ILRUN: variants seen among roughly 807,000 people sequenced by gnomAD.
ILRUN encodes protein ILRUN.
A neutral mutation model predicts 33.8 loss-of-function variants in ILRUN; 3 were observed. The ratio of observed to expected loss-of-function variants is 0.09; its 90% confidence interval spans 0.04 to 0.23. The LOEUF (loss-of-function observed/expected upper bound fraction) is 0.23. ILRUN is among the 10% of genes least tolerant of loss of function. The pLI is 1.00. For missense variants in ILRUN, 210 were observed against 375.1 expected, an observed-to-expected ratio of 0.56 and a Z score of 3.64; for synonymous variants, 124 against 138.9, an observed-to-expected ratio of 0.89 and a Z score of 0.75.
intron 3 of ILRUN, among the ~76,000 whole-genome samples, chr6:34,630,951 A>C (rs1006823541): frequency 1.3e-5 from 2 of 152,096 alleles, no homozygotes; most frequent in East Asian, 3.9e-4. Flanking sequence ...CATTTCTGTT[A>C]ATGTTTATCT....
chr6:34,646,883 T>A lies in ILRUN; in HGVS notation c.314-85A>T, dbSNP rs1947267729. ...TTATTATGAAACTGTAGAAGAGGCC[T>A]CTTTCTTTTTCTCACATACATACAT... On this transcript the variant is annotated intron_variant, in intron 2 of 4. Coordinates refer to ENST00000374023, the MANE Select transcript of ILRUN (RefSeq NM_024294.4). This position sits in a 1 kb window ranked among gnomAD's most constrained non-coding sequence, Gnocchi z 4.9. 1 of 1,217,464 alleles carries A rather than the reference T, an allele frequency of 8.2e-7. No individual in the cohort carries two copies. The highest frequency in any genetic ancestry group is 1.3e-5 in the South Asian group (1 of 79,610). The allele number at this position is 1,217,464 out of a possible 1,614,324, so 75.4% of individuals were successfully genotyped here. A position where few individuals can be genotyped will look rare whatever the true frequency, so the allele number is the denominator to read the frequency against.
chr6:34,660,882 C>T (rs533961888), intron 1 of ILRUN, among the ~76,000 whole-genome samples: 1 of 152,238 alleles, frequency 6.6e-6, no homozygotes, highest in South Asian at 2.1e-4. Flanking sequence ...CTAAAGGCAA[C>T]GGTCAATACT....
intron 2 of ILRUN, among the ~76,000 whole-genome samples, chr6:34,651,686 A>C (rs1453931134): frequency 6.6e-6 from 1 of 151,494 alleles, no homozygotes; most frequent in Non-Finnish European, 1.5e-5. Context: ...TAAAATAAAC[A>C]AATAAAACTT....
At chr6:34,674,016 G>C (rs1582099201) in intron 1 of ILRUN, among the ~76,000 whole-genome samples, 1 of 151,778 alleles carries the variant, frequency 6.6e-6, no homozygotes, top group East Asian at 1.9e-4. Context: ...AATTACTATG[G>C]GTCAGGCAGA....
At chr6:34,607,288 A>C (rs1761654891) in intron 3 of ILRUN, among the ~76,000 whole-genome samples, 1 of 152,208 alleles carries the variant, frequency 6.6e-6, no homozygotes, top group Non-Finnish European at 1.5e-5. Context: ...TTTATTTTAC[A>C]TGTATTTTAC....
intron 1 of ILRUN, among the ~76,000 whole-genome samples, chr6:34,682,018 A>ATTTTTTTTTTT (rs1305122768): frequency 9.6e-6 from 1 of 103,818 alleles, no homozygotes; most frequent in Non-Finnish European, 2.1e-5. Flanking sequence ...CACCCCACTA[A>ATTTTTTTTTTT]TTCTTATATT....
chr6:34,593,944 C>T (rs1440214950), intron 4 of ILRUN, among the ~76,000 whole-genome samples: 3 of 152,080 alleles, frequency 2.0e-5, no homozygotes, highest in East Asian at 1.9e-4. Context: ...GGAAGACCAT[C>T]GCGGTACCTT....
chr6:34,685,686 C>T (rs1054581990), intron 1 of ILRUN: 2 of 152,140 alleles, frequency 1.3e-5, no homozygotes, highest in Admixed American at 6.6e-5. Flanking sequence ...GCCAACAGAA[C>T]ATTCATAAGT....
At chr6:34,645,813 G>T (rs1051438334) in intron 3 of ILRUN, among the ~76,000 whole-genome samples, 1 of 152,172 alleles carries the variant, frequency 6.6e-6, no homozygotes, top group Non-Finnish European at 1.5e-5. Context: ...AGCTGAAGCC[G>T]CATGGGTGAA....
rs761412363 is a variant in ILRUN, at chr6:34,654,752, A to G, written c.186T>C (p.Tyr62=). ...TGATGTTTGGGCTCTCAAAGTCATAATAGGCGCCAATTGCTGCTTGTAGGT... is the reference window on the plus strand; with the variant it reads ...TGATGTTTGGGCTCTCAAAGTCATAGTAGGCGCCAATTGCTGCTTGTAGGT... The part of the protein sequence containing the change: ...NWNLQAAIGA[Y]YDFESPNISV... The change falls in exon 2 of 5, where the codon TAT becomes TAC. Residue 62 remains tyrosine (Y), a synonymous_variant. Transcript: ENST00000374023. The G allele has an allele frequency of 8.1e-6, 13 of 1,613,888 alleles. No individual in the cohort carries two copies. The South Asian group carries it at 1.4e-4, about 18-fold the overall frequency.
At chr6:34,683,501 T>TAC (rs781466930) in intron 1 of ILRUN, among the ~76,000 whole-genome samples, 1 of 91,928 alleles carries the variant, frequency 1.1e-5, no homozygotes, top group Admixed American at 1.1e-4. Flanking sequence ...TATATATACA[T>TAC]ATATATATAT....
At chr6:34,656,040 C>T (rs140065481) in intron 1 of ILRUN, among the ~76,000 whole-genome samples, 2,728 of 152,042 alleles carry the variant, frequency 0.018, 30 homozygotes, top group African/African-American at 0.036. Context: ...CAAGATCAGC[C>T]TGGCCAACAT....
intron 3 of ILRUN, among the ~76,000 whole-genome samples, chr6:34,608,488 CT>C (rs1434561464): frequency 6.6e-6 from 1 of 152,134 alleles, no homozygotes; most frequent in African/African-American, 2.4e-5. Flanking sequence ...TACCATGGAG[CT>C]TTCAAGCCTG....
Position 34,632,407 on chromosome 6 carries a change from C to T in ILRUN, c.511+14194G>A, listed in dbSNP as rs182196401. ...AGTGAGCCAAGATCACACCACTGCA[C>T]TCCAGCCTGGGCGACAGAGCAAGAC... On this transcript the variant is annotated intron_variant, in intron 3 of 4. Coordinates refer to ENST00000374023, the MANE Select transcript of ILRUN (RefSeq NM_024294.4). Among the ~76,000 whole-genome samples, 508 of 152,144 alleles carry T rather than the reference C, an allele frequency of 3.3e-3. 1 individual carries two copies. Among genetic ancestry groups the T allele is most frequent in the South Asian group, 0.015 (70 of 4,820 alleles).
chr6:34,640,955 T>C (rs1157097756), intron 3 of ILRUN, among the ~76,000 whole-genome samples: 2 of 151,102 alleles, frequency 1.3e-5, no homozygotes, highest in East Asian at 1.9e-4. Context: ...GGCACATGCC[T>C]GTAATCCCAG....
chr6:34,691,168 G>A (rs1763642548), intron 1 of ILRUN, among the ~76,000 whole-genome samples: 1 of 152,184 alleles, frequency 6.6e-6, no homozygotes, highest in African/African-American at 2.4e-5. Context: ...GATTACAGGT[G>A]TGAGCCACTG....
intron 2 of ILRUN, among the ~76,000 whole-genome samples, chr6:34,652,212 C>G (rs1337640940): frequency 6.6e-6 from 1 of 152,026 alleles, no homozygotes; most frequent in Non-Finnish European, 1.5e-5. Context: ...CAGGCAAAAT[C>G]AAGCAAGGTG....
intron 3 of ILRUN, among the ~76,000 whole-genome samples, chr6:34,619,774 C>G (rs1011125099): frequency 5.9e-5 from 9 of 152,064 alleles, no homozygotes; most frequent in African/African-American, 1.9e-4. Context: ...CACCTGAGGT[C>G]AGGAGCTCAA....
intron 3 of ILRUN, among the ~76,000 whole-genome samples, chr6:34,636,669 A>G (rs1012191983): frequency 6.6e-6 from 1 of 152,240 alleles, no homozygotes; most frequent in Admixed American, 6.5e-5. Flanking sequence ...CTATCAGATA[A>G]AAGTTTAAAA....
Sources: gnomAD v4.1 joint callset for allele counts (sites outside exome capture counted in the v4.1 genomes callset) on GRCh38, gnomAD v4.1.1 for gene constraint, Gnocchi (gnomAD v3.1) non-coding constraint, MANE v1.5 for transcripts, NCBI Gene and HGNC (gene_info 2026-07-23, HGNC 2026-07-21) for gene names.